The following FAM133A variants were observed in gnomAD, a reference collection of about 807,000 sequenced individuals.
FAM133A encodes family with sequence similarity 133 member A.
For synonymous variants in FAM133A, 65 were observed against 58.6 expected, an observed-to-expected ratio of 1.11 and a Z score of -0.50; for missense variants, 159 against 164.4, an observed-to-expected ratio of 0.97 and a Z score of 0.18.
At position 93,711,694 on chromosome X, in the gene FAM133A, T is replaced by C. The variant is rs1927454098; in HGVS notation, c.*1528T>C. ...AAGATAAAAAACATCTACATAAACA[T>C]GTTGGCTGCCAAATTTTTTGCATTG... On this transcript the variant is annotated 3_prime_UTR_variant, in exon 4 of 4. Transcript: ENST00000683942. 8.2e-6 allele frequency: 1 copy of C among 122,491 alleles called. No homozygotes were observed. The highest frequency in any genetic ancestry group is 1.9e-5 in the Non-Finnish European group (1 of 53,081). 10.1% of individuals were successfully genotyped at this position (122,491 alleles called of 1,213,427 possible).
intron 2 of FAM133A, among the ~76,000 whole-genome samples, chrX:93,684,165 G>A (rs1379952606): frequency 9.0e-6 from 1 of 111,715 alleles, no homozygotes; most frequent in Non-Finnish European, 1.9e-5. Flanking sequence ...TCCATTTTGA[G>A]TGTATTGTTG....
In FAM133A at chrX:93,698,457, A is replaced by T; in HGVS notation, c.-132A>T. The T allele has an allele frequency of 8.9e-6, 1 of 111,853 alleles. No homozygotes were observed. The highest frequency in any genetic ancestry group is 9.5e-5 in the Admixed American group (1 of 10,513). The allele number at this position is 111,853 out of a possible 1,213,427, so 9.2% of individuals were successfully genotyped here. On this transcript the variant is annotated 5_prime_UTR_variant, in exon 3 of 4. Coordinates refer to ENST00000683942, the MANE Select transcript of FAM133A (RefSeq NM_001171109.2). ...TGGAAAAGGTGAGAGGAAAACCTAG[A>T]GTGTGTGTTATCCTGCAAGCCAATT... is the stretch of plus-strand genomic sequence containing the variant.
intron 1 of FAM133A, 132 bp from the exon 2 acceptor site, chrX:93,674,549 T>TCTGC (rs1288443260): frequency 8.9e-6 from 1 of 111,888 alleles, no homozygotes; most frequent in Non-Finnish European, 1.9e-5. Flanking sequence ...TGCGATGTCA[T>TCTGC]CTGCCACCAA....
intron 2 of FAM133A, among the ~76,000 whole-genome samples, chrX:93,679,681 CT>C (rs1016635322): frequency 9.2e-6 from 1 of 108,183 alleles, no homozygotes; most frequent in Non-Finnish European, 1.9e-5. Flanking sequence ...ACCGTAAATA[CT>C]TATTTTTTTC....
At chrX:93,683,857 G>GT (rs200629556) in intron 2 of FAM133A, among the ~76,000 whole-genome samples, 29 of 108,771 alleles carry the variant, frequency 2.7e-4, no homozygotes, top group Middle Eastern at 4.8e-3. Flanking sequence ...TTTGAAATGG[G>GT]TTTTTTTTTG....
upstream of FAM133A, among the ~76,000 whole-genome samples, chrX:93,673,768 C>A (rs1924475736): frequency 9.2e-6 from 1 of 109,280 alleles, no homozygotes; most frequent in African/African-American, 3.3e-5. Context: ...TCCCAGACGC[C>A]GCTCGCTGGC....
intron 3 of FAM133A, among the ~76,000 whole-genome samples, chrX:93,703,457 A>G (rs1420059931): frequency 1.8e-5 from 2 of 111,844 alleles, no homozygotes; most frequent in African/African-American, 6.5e-5. Flanking sequence ...TAGATGTTCC[A>G]TATCAATGTA....
In FAM133A at chrX:93,709,973, C is replaced by A; in HGVS notation, c.554C>A (p.Pro185His). ...AGCAAAAAAAGAAAGAAAAGTTACC[C>A]TGATGATAAACCTTTATCATCTGAG... ...SLSKKRKKSY[P>H]DDKPLSSESS... is the part of the protein sequence containing the mutation. The change falls in exon 4 of 4, where the codon CCT becomes CAT. Residue 185 changes from proline to histidine, a missense_variant. Transcript: ENST00000683942. 1 of 1,191,648 alleles carries A rather than the reference C, an allele frequency of 8.4e-7. No homozygotes were observed. The highest frequency in any genetic ancestry group is 1.9e-5 in the South Asian group (1 of 52,678).
At chrX:93,687,955 C>T (rs937644989) in intron 2 of FAM133A, among the ~76,000 whole-genome samples, 1 of 111,518 alleles carries the variant, frequency 9.0e-6, no homozygotes, top group Non-Finnish European at 1.9e-5. Flanking sequence ...CAGATTCATC[C>T]ATGTTGCTGC....
intron 2 of FAM133A, among the ~76,000 whole-genome samples, chrX:93,698,026 TG>T (rs1200078519): frequency 9.0e-6 from 1 of 111,269 alleles, no homozygotes; most frequent in Non-Finnish European, 1.9e-5. Flanking sequence ...TTAAAGAAAT[TG>T]GGTTTTAGAA....
At chrX:93,678,445 C>T (rs1386648181) in intron 2 of FAM133A, among the ~76,000 whole-genome samples, 1 of 111,377 alleles carries the variant, frequency 9.0e-6, no homozygotes, top group African/African-American at 3.3e-5. Flanking sequence ...GTGTAATGGT[C>T]AAATCAGGGT....
chrX:93,676,896 G>C (rs1408923516), intron 2 of FAM133A, among the ~76,000 whole-genome samples: 1 of 104,312 alleles, frequency 9.6e-6, no homozygotes, highest in Non-Finnish European at 2.0e-5. Flanking sequence ...TGTATACATA[G>C]GGATCTTGTA....
intron 2 of FAM133A, among the ~76,000 whole-genome samples, chrX:93,686,639 G>C (rs1276042867): frequency 8.9e-6 from 1 of 112,075 alleles, no homozygotes; most frequent in Non-Finnish European, 1.9e-5. Context: ...GTCTAATCAT[G>C]ATGTTGAGGC....
intron 2 of FAM133A, among the ~76,000 whole-genome samples, chrX:93,693,543 G>T (rs759918568): frequency 9.0e-6 from 1 of 110,816 alleles, no homozygotes; most frequent in East Asian, 2.8e-4. Context: ...TTTGAAGTGT[G>T]CCCCTATTAG....
chrX:93,695,026 C>G (rs780232994), intron 2 of FAM133A, among the ~76,000 whole-genome samples: 17 of 111,256 alleles, frequency 1.5e-4, no homozygotes, highest in Non-Finnish European at 3.2e-4. Context: ...CTTGGTGCTA[C>G]TGGGACACTG....
intron 2 of FAM133A, among the ~76,000 whole-genome samples, chrX:93,697,499 GGTAA>G (rs1926385952): frequency 9.0e-6 from 1 of 110,948 alleles, no homozygotes; most frequent in Non-Finnish European, 1.9e-5. Context: ...CTGTTAACCA[GGTAA>G]CACTTTATAA....
intron 3 of FAM133A, among the ~76,000 whole-genome samples, chrX:93,706,104 A>G (rs1927029012): frequency 8.9e-6 from 1 of 112,255 alleles, no homozygotes; most frequent in South Asian, 3.6e-4. Context: ...TATAATGGAC[A>G]TTTTCAGATC....
At chrX:93,682,912 G>A (rs1447133562) in intron 2 of FAM133A, among the ~76,000 whole-genome samples, 1 of 111,721 alleles carries the variant, frequency 9.0e-6, no homozygotes, top group Non-Finnish European at 1.9e-5. Flanking sequence ...ACCGCGTTCA[G>A]CCAGCAGTAC....
rs187234023 is a variant in FAM133A, at chrX:93,685,587, T to G, written c.-193+10835T>G. On this transcript the variant is annotated intron_variant, in intron 2 of 3. Transcript: ENST00000683942. ...ATTTGAAGTCATTGGACCAAAGTTA[T>G]TATAAAATAGTAAAAAGAAAAATTA... 5.4e-5 allele frequency among the ~76,000 whole-genome samples: 6 copies of G among 111,879 alleles called. No homozygotes were observed. In the East Asian group the frequency reaches 1.7e-3, roughly 32 times the overall value.
Sources: allele counts gnomAD v4.1 joint callset (sites outside exome capture counted in the v4.1 genomes callset), GRCh38; gene constraint gnomAD v4.1.1; transcripts MANE v1.5; gene names NCBI Gene and HGNC (gene_info 2026-07-23, HGNC 2026-07-21).